Variants in RAB6B observed in about 807,000 individuals in gnomAD.
RAB6B encodes the protein RAB6B, member RAS oncogene family, also known as ras-related protein Rab-6B.
RAB6B carries 7 observed loss-of-function variants against 31.2 expected under a neutral mutation model. That is an observed-to-expected ratio of 0.22 (90% confidence interval 0.13 to 0.42). The LOEUF (loss-of-function observed/expected upper bound fraction) is 0.42. Among genes scored for constraint, RAB6B ranks in the 10% least tolerant of loss-of-function variants. The pLI is 1.00. For synonymous variants in RAB6B, 105 were observed against 104.9 expected, an observed-to-expected ratio of 1.00 and a Z score of -0.01; for missense variants, 149 against 280.6, an observed-to-expected ratio of 0.53 and a Z score of 3.35.
chr3:133,862,869 A>G (rs1345278510), intron 2 of RAB6B, among the ~76,000 whole-genome samples: 7 of 152,224 alleles, frequency 4.6e-5, no homozygotes, highest in Non-Finnish European at 8.8e-5. Context: ...ACTGTTTTCA[A>G]TGGGACACTA....
intron 1 of RAB6B, among the ~76,000 whole-genome samples, chr3:133,881,188 T>C (rs934040385): frequency 1.3e-5 from 2 of 152,170 alleles, no homozygotes; most frequent in Admixed American, 6.5e-5. Context: ...CCTGTCCCCA[T>C]GCTGCGAGCT....
At chr3:133,891,302 C>T (rs1936634880) in intron 1 of RAB6B, among the ~76,000 whole-genome samples, 1 of 152,216 alleles carries the variant, frequency 6.6e-6, no homozygotes, top group Non-Finnish European at 1.5e-5. Flanking sequence ...GTCCTCTGAA[C>T]CTCCACCTCA....
chr3:133,887,807 T>C (rs565684872), intron 1 of RAB6B, among the ~76,000 whole-genome samples: 1 of 152,174 alleles, frequency 6.6e-6, no homozygotes, highest in Non-Finnish European at 1.5e-5. Context: ...TTTAGTTTAA[T>C]TGGTTCTTCC....
intron 1 of RAB6B, among the ~76,000 whole-genome samples, chr3:133,887,458 C>T (rs1004834343): frequency 2.6e-5 from 4 of 152,188 alleles, no homozygotes; most frequent in African/African-American, 9.7e-5. Flanking sequence ...GGGCAACAGT[C>T]GCAGAGCCCC....
At chr3:133,847,557 T>C (rs891470802) in intron 2 of RAB6B, among the ~76,000 whole-genome samples, 7 of 152,208 alleles carry the variant, frequency 4.6e-5, no homozygotes, top group African/African-American at 1.7e-4. Context: ...AAATCCCTCA[T>C]TTTCACTAAG....
intron 2 of RAB6B, among the ~76,000 whole-genome samples, chr3:133,851,758 T>C (rs1220735934): frequency 6.6e-6 from 1 of 152,218 alleles, no homozygotes; most frequent in Non-Finnish European, 1.5e-5. Context: ...GTGACTTGCC[T>C]GAGGTCCCAT....
At chr3:133,842,182 A>G (rs1260974060) in intron 2 of RAB6B, among the ~76,000 whole-genome samples, 1 of 152,184 alleles carries the variant, frequency 6.6e-6, no homozygotes, top group Non-Finnish European at 1.5e-5. Context: ...AGGTGCGGGC[A>G]CTGCAGACCA....
At chr3:133,837,306 T>C (rs1347923132) in intron 6 of RAB6B, among the ~76,000 whole-genome samples, 1 of 152,150 alleles carries the variant, frequency 6.6e-6, no homozygotes, top group East Asian at 1.9e-4. Flanking sequence ...GAAATAAAAC[T>C]TCATCGACAT....
chr3:133,831,174 T>C (rs1182543696), intron 7 of RAB6B, among the ~76,000 whole-genome samples: 1 of 152,254 alleles, frequency 6.6e-6, no homozygotes, highest in African/African-American at 2.4e-5. Context: ...CAAAATTTTC[T>C]GGGATGTTTG....
chr3:133,885,905 G>A (rs562922304), intron 1 of RAB6B, among the ~76,000 whole-genome samples: 1 of 152,180 alleles, frequency 6.6e-6, no homozygotes, highest in Admixed American at 6.5e-5. Flanking sequence ...GAACGTTTCT[G>A]TTCTGACCTA....
At chr3:133,838,049 G>A in intron 6 of RAB6B, 117 bp downstream of exon 6, 1 of 1,055,134 alleles carries the variant, frequency 9.5e-7, no homozygotes, top group Non-Finnish European at 1.4e-6. Context: ...TGTTCTGGTT[G>A]GCTGCCCCAA....
At chr3:133,855,753 C>T (rs1212772444) in intron 2 of RAB6B, among the ~76,000 whole-genome samples, 1 of 152,210 alleles carries the variant, frequency 6.6e-6, no homozygotes, top group East Asian at 1.9e-4. Context: ...CAGAGAACTG[C>T]ATCCTGAGTC....
At chr3:133,861,033 C>A (rs1936154016) in intron 2 of RAB6B, among the ~76,000 whole-genome samples, 1 of 152,240 alleles carries the variant, frequency 6.6e-6, no homozygotes. Context: ...CCCCCTCCAT[C>A]CCCAGCAGCA....
intron 7 of RAB6B, among the ~76,000 whole-genome samples, chr3:133,832,432 T>C (rs1935668102): frequency 6.6e-6 from 1 of 152,132 alleles, no homozygotes; most frequent in Non-Finnish European, 1.5e-5. Flanking sequence ...ATGCCACACA[T>C]TCACCAAGTC....
In RAB6B at chr3:133,891,626, T is replaced by C. The variant is rs1007641018; in HGVS notation, c.70+3771A>G. ...AAGTTCCAGGAGGGCAGGAATACGCTCAAAGAATAAATAAATAAACAGATA... is the reference window on the plus strand; with the variant it reads ...AAGTTCCAGGAGGGCAGGAATACGCCCAAAGAATAAATAAATAAACAGATA... On this transcript the variant is annotated intron_variant, in intron 1 of 7. Transcript: ENST00000285208. 4.1e-4 allele frequency among the ~76,000 whole-genome samples: 63 copies of C among 152,002 alleles called. 2 individuals are homozygous for C.
intron 5 of RAB6B, 134 bp from the exon 6 acceptor site, chr3:133,838,393 C>G (rs1349797870): frequency 2.5e-6 from 2 of 788,724 alleles, no homozygotes; most frequent in East Asian, 2.5e-5. Flanking sequence ...GCTCTGATCC[C>G]AAGGGTCCCT....
chr3:133,831,532 T>TA (rs1935656066), intron 7 of RAB6B, among the ~76,000 whole-genome samples: 1 of 152,234 alleles, frequency 6.6e-6, no homozygotes, highest in Non-Finnish European at 1.5e-5. Flanking sequence ...GCTCTTCCGC[T>TA]AGGAGCCTTC....
At position 133,874,357 on chromosome 3, in the gene RAB6B, A is replaced by G. The variant is rs535907776; in HGVS notation, c.71-9715T>C. Among the ~76,000 whole-genome samples, 11 of 152,354 alleles carry G rather than the reference A, an allele frequency of 7.2e-5. No individual in the cohort carries two copies. In the East Asian group the frequency reaches 1.9e-3, roughly 27 times the overall value. On this transcript the variant is annotated intron_variant, in intron 1 of 7. Coordinates refer to ENST00000285208, the MANE Select transcript of RAB6B (RefSeq NM_016577.4). The stretch of plus-strand genomic sequence containing the variant: ...CACACCTAGGCTATAATGGTACCCT[A>G]TTGCTTCTAGGCTACAAACCTGCAC...
At position 133,830,430 on chromosome 3, in the gene RAB6B, A is replaced by G. The variant is rs185171116; in HGVS notation, c.563-1578T>C. 5.3e-5 allele frequency among the ~76,000 whole-genome samples: 8 copies of G among 152,218 alleles called. No homozygotes were observed. In the East Asian group the frequency reaches 1.5e-3, roughly 29 times the overall value. ...TGACGCTAGCTTATCCCCTTCCCTCAATCACACACCAAGGCTCCACCAACC... is the reference window on the plus strand; with the variant it reads ...TGACGCTAGCTTATCCCCTTCCCTCGATCACACACCAAGGCTCCACCAACC... On this transcript the variant is annotated intron_variant, in intron 7 of 7. Transcript: ENST00000285208.
Sources: allele counts gnomAD v4.1 joint callset (sites outside exome capture counted in the v4.1 genomes callset), GRCh38; gene constraint gnomAD v4.1.1; transcripts MANE v1.5; gene names NCBI Gene and HGNC (gene_info 2026-07-23, HGNC 2026-07-21).